PLXNA1: variants seen among roughly 807,000 people sequenced by gnomAD.
PLXNA1 encodes plexin A1.
In PLXNA1, 77 loss-of-function variants were observed where a neutral mutation model predicts 191.7. That is an observed-to-expected ratio of 0.40 (90% confidence interval 0.33 to 0.49). PLXNA1 has a LOEUF of 0.49. PLXNA1 is among the 20% of genes least tolerant of loss of function. The pLI, the probability that PLXNA1 is intolerant of heterozygous loss-of-function variation, is 0.63. For missense variants in PLXNA1, 2,110 were observed against 2,660.2 expected (o/e 0.79, Z 4.55); for synonymous variants, 1,137 against 1,156.4 (o/e 0.98, Z 0.34).
In PLXNA1 at chr3:127,007,854, G is replaced by C. The variant is rs767000075; in HGVS notation, c.2053G>C (p.Val685Leu). 6.2e-7 allele frequency: 1 copy of C among 1,613,080 alleles called. No homozygotes were observed. The highest frequency in any genetic ancestry group is 8.5e-7 in the Non-Finnish European group (1 of 1,179,588). ...CTGCCACTGGTGCAAATACCGCCAC[G>C]TGTGCACACACAACGTGGCTGACTG... Reference protein sequence around the residue: ...FPCHWCKYRHVCTHNVADCAF... With the variant: ...FPCHWCKYRHLCTHNVADCAF... The change falls in exon 9 of 32, where the codon GTG becomes CTG. Residue 685 changes from valine (V) to leucine (L), a missense_variant. Physicochemically the swap from Val to Leu is conservative, Grantham distance 32 (BLOSUM62 1). Around this residue, in one of 4 missense-constraint regions of PLXNA1, gnomAD observed 903 missense variants for 1,015.7 expected, o/e 0.89. Coordinates refer to ENST00000393409, the MANE Select transcript of PLXNA1 (RefSeq NM_032242.4).
chr3:126,984,663 G>A (rs960739629), intron 1 of PLXNA1, among the ~76,000 whole-genome samples: 2 of 147,626 alleles, frequency 1.4e-5, no homozygotes, highest in African/African-American at 5.1e-5. Context: ...TTGGGCAGAG[G>A]ACAGCATGGG....
Position 127,014,291 on chromosome 3 carries a change from A to G in PLXNA1, c.2520A>G (p.Arg840=). Reference sequence around the variant, plus strand: ...TGGCCGAGCGCCGCTGCTCCCTGCGACACCACTGCGCTGCCGACACACCTG... The same window carrying G: ...TGGCCGAGCGCCGCTGCTCCCTGCGGCACCACTGCGCTGCCGACACACCTG... ...WCVAERRCSL[R]HHCAADTPAS... Residue 840 remains arginine, a synonymous_variant, in exon 12 of 32, where the codon CGA becomes CGG. Coordinates refer to ENST00000393409, the MANE Select transcript of PLXNA1 (RefSeq NM_032242.4). 3 of 1,595,916 alleles carry G rather than the reference A, an allele frequency of 1.9e-6. 1 individual carries two copies. Among genetic ancestry groups the G allele is most frequent in the Middle Eastern group, 3.3e-4 (2 of 6,044 alleles).
At chr3:127,015,398 C>A in intron 15 of PLXNA1, 78 bp downstream of exon 15, 1 of 1,526,152 alleles carries the variant, frequency 6.6e-7, no homozygotes, top group Non-Finnish European at 8.8e-7. Context: ...TTCTTGTTGC[C>A]TGGGCAACGG....
At chr3:127,032,307 C>A in intron 29 of PLXNA1, 80 bp from the exon 30 acceptor site, 2 of 1,416,476 alleles carry the variant, frequency 1.4e-6, no homozygotes, top group Non-Finnish European at 1.9e-6. Flanking sequence ...ACTTTGGATT[C>A]GGAGCTGGGA....
At chr3:126,987,354 G>A (rs575078235) in intron 1 of PLXNA1, among the ~76,000 whole-genome samples, 1 of 152,356 alleles carries the variant, frequency 6.6e-6, no homozygotes, top group East Asian at 1.9e-4. Flanking sequence ...GATCTGGGCA[G>A]CGCTGACCTC....
Position 127,022,796 on chromosome 3 carries a change from T to A in PLXNA1, c.4340T>A (p.Phe1447Tyr). The A allele has an allele frequency of 6.2e-7, 1 of 1,614,032 alleles. No homozygotes were observed. The highest frequency in any genetic ancestry group is 8.5e-7 in the Non-Finnish European group (1 of 1,179,954). Reference sequence around the variant, plus strand: ...AAGATGCTAACTAACTGGTTCACCTTCCTCTTGTATAAGTTCCTCAAGGTA... The same window carrying A: ...AAGATGCTAACTAACTGGTTCACCTACCTCTTGTATAAGTTCCTCAAGGTA... The part of the protein sequence containing the change: ...AEKMLTNWFT[F>Y]LLYKFLKECA... Residue 1447 changes from phenylalanine (F) to tyrosine (Y), a missense_variant, in exon 23 of 32, where the codon TTC becomes TAC. By Grantham distance (22) the Phe-to-Tyr change is conservative. This residue lies in a region of PLXNA1 where 559 missense variants were observed against 911.5 expected (regional missense o/e 0.61). Coordinates refer to ENST00000393409, the MANE Select transcript of PLXNA1 (RefSeq NM_032242.4).
chr3:126,985,868 T>C (rs2078956034), intron 1 of PLXNA1, among the ~76,000 whole-genome samples: 1 of 152,224 alleles, frequency 6.6e-6, no homozygotes, highest in African/African-American at 2.4e-5. Flanking sequence ...GCATTGTCAC[T>C]GGCCTTTATT....
In PLXNA1 at chr3:127,020,349, G is replaced by T; in HGVS notation, c.4038+5G>T. 1 of 1,612,098 alleles carries T rather than the reference G, an allele frequency of 6.2e-7. No homozygotes were observed. Reference sequence around the variant, plus strand: ...CCTGTGCTCAAGGAGATGGAGGTAGGACCACTGGCTCCGGGGGGTCACAGG... The same window carrying T: ...CCTGTGCTCAAGGAGATGGAGGTAGTACCACTGGCTCCGGGGGGTCACAGG... On this transcript the variant is annotated splice_donor_5th_base_variant and intron_variant, in intron 21 of 31. Transcript: ENST00000393409.
intron 3 of PLXNA1, among the ~76,000 whole-genome samples, chr3:126,999,824 G>A (rs910915281): frequency 1.3e-5 from 2 of 152,172 alleles, no homozygotes; most frequent in African/African-American, 4.8e-5. Flanking sequence ...CTGTGGTGGT[G>A]GGAGGTGCTC....
In PLXNA1 at chr3:127,016,704, A is replaced by C. The variant is rs1290313256; in HGVS notation, c.3182+20A>C. 6.2e-7 allele frequency: 1 copy of C among 1,613,154 alleles called. No individual in the cohort carries two copies. The highest frequency in any genetic ancestry group is 8.5e-7 in the Non-Finnish European group (1 of 1,179,460). On this transcript the variant is annotated intron_variant, in intron 16 of 31. Transcript: ENST00000393409. ...CAACAGGTGGGGCCCAGCAACACCC[A>C]TTCCCTATCCCCAGCTATTGAGAGC... is the stretch of plus-strand genomic sequence containing the variant.
intron 2 of PLXNA1, among the ~76,000 whole-genome samples, chr3:126,990,089 C>T (rs2078983225): frequency 6.6e-6 from 1 of 152,222 alleles, no homozygotes; most frequent in African/African-American, 2.4e-5. Context: ...GACAGAGTGC[C>T]AGCCACATGC....
chr3:127,031,200 C>A (rs975633890), intron 29 of PLXNA1, among the ~76,000 whole-genome samples: 4 of 152,208 alleles, frequency 2.6e-5, no homozygotes, highest in African/African-American at 7.2e-5. Context: ...CTCAGGACCC[C>A]CAAGCTCTGG....
chr3:127,032,979 A>G, intron 31 of PLXNA1, 143 bp downstream of exon 31: 1 of 881,172 alleles, frequency 1.1e-6, no homozygotes, highest in South Asian at 1.7e-5. Context: ...CCCTCTGGCC[A>G]CCTGGTTCCT....
At position 127,028,762 on chromosome 3, in the gene PLXNA1, G is replaced by A. The variant is rs560785469; in HGVS notation, c.4670-231G>A. Reference sequence around the variant, plus strand: ...GAGGAGTTGGGGCCCTAAGGCTTGCGGAAGGCAGGGCAGACCCCCTTAGGC... The same window carrying A: ...GAGGAGTTGGGGCCCTAAGGCTTGCAGAAGGCAGGGCAGACCCCCTTAGGC... On this transcript the variant is annotated intron_variant, in intron 25 of 31. Transcript: ENST00000393409. The A allele has an allele frequency of 3.6e-4, 207 of 572,024 alleles. 2 individuals are homozygous for A. Among genetic ancestry groups the A allele is most frequent in the South Asian group, 3.5e-3 (164 of 46,492 alleles). 35.4% of individuals were successfully genotyped at this position (572,024 alleles called of 1,614,324 possible). A position where few individuals can be genotyped will look rare whatever the true frequency, so the allele number is the denominator to read the frequency against.
intron 3 of PLXNA1, among the ~76,000 whole-genome samples, chr3:127,002,935 C>T (rs1378093408): frequency 1.3e-5 from 2 of 152,146 alleles, no homozygotes; most frequent in Admixed American, 6.5e-5. Flanking sequence ...CAACCAACAT[C>T]CCTCCTTCAA....
At chr3:127,013,542 G>A (rs974020653) in intron 10 of PLXNA1, among the ~76,000 whole-genome samples, 4 of 152,216 alleles carry the variant, frequency 2.6e-5, no homozygotes, top group East Asian at 3.9e-4. Context: ...AGGAGGGGAC[G>A]GGGAGCAGAG....
chr3:126,998,843 G>C (rs2079026800), intron 3 of PLXNA1, among the ~76,000 whole-genome samples: 1 of 152,178 alleles, frequency 6.6e-6, no homozygotes, highest in Non-Finnish European at 1.5e-5. Flanking sequence ...GTTGGGGGTG[G>C]AAGAGATGGG....
At position 127,032,845 on chromosome 3, in the gene PLXNA1, C is replaced by T; in HGVS notation, c.5595+9C>T. ...CCAAGTACAAGGATGAGGTGAACAC[C>T]GTGGGAGCCCACAGGCTGGGCTAGG... On this transcript the variant is annotated intron_variant, in intron 31 of 31. Transcript: ENST00000393409. 6.2e-7 allele frequency: 1 copy of T among 1,612,138 alleles called. No homozygotes were observed. The highest frequency in any genetic ancestry group is 8.5e-7 in the Non-Finnish European group (1 of 1,179,560).
At position 127,015,266 on chromosome 3, in the gene PLXNA1, A is replaced by C; in HGVS notation, c.2960A>C (p.Asn987Thr). Residue 987 changes from asparagine to threonine, a missense_variant, in exon 15 of 32, where the codon AAC becomes ACC. Physicochemically the swap from Asn to Thr is moderately conservative, Grantham distance 65. Coordinates refer to ENST00000393409, the MANE Select transcript of PLXNA1 (RefSeq NM_032242.4). ...ATTGGCATCGAGGGAAGCCACCTGA[A>C]CGCAGGCAGTGATGTGGCTGTGTCG... is the stretch of plus-strand genomic sequence containing the variant. ...TWIGIEGSHL[N>T]AGSDVAVSVG... 1 of 1,611,664 alleles carries C rather than the reference A, an allele frequency of 6.2e-7. No homozygotes were observed. The highest frequency in any genetic ancestry group is 8.5e-7 in the Non-Finnish European group (1 of 1,179,540).
Sources: gnomAD v4.1 joint callset for allele counts (sites outside exome capture counted in the v4.1 genomes callset) on GRCh38, gnomAD v4.1.1 for gene constraint, gnomAD v4.1.1 regional missense constraint, MANE v1.5 for transcripts, NCBI Gene and HGNC (gene_info 2026-07-23, HGNC 2026-07-21) for gene names.